The following IPCEF1 variants were observed in gnomAD, a reference collection of about 807,000 sequenced individuals.
IPCEF1 encodes the protein interaction protein for cytohesin exchange factors 1, also known as interactor protein for cytohesin exchange factors 1.
A neutral mutation model predicts 50.9 loss-of-function variants in IPCEF1; 31 were observed. The ratio of observed to expected loss-of-function variants is 0.61; its 90% CI spans 0.46 to 0.82. The LOEUF is 0.82. Ranked by LOEUF, IPCEF1 falls within the 40% of genes least tolerant of loss-of-function variation. IPCEF1 has a pLI of 0.00. For missense variants in IPCEF1, 458 were observed against 514.0 expected (o/e 0.89, Z 1.05); for synonymous variants, 181 against 192.0 (o/e 0.94, Z 0.47).
chr6:154,172,224 T>C (rs921616502), intron 10 of IPCEF1, among the ~76,000 whole-genome samples: 25 of 152,346 alleles, frequency 1.6e-4, no homozygotes, highest in Admixed American at 1.3e-3. Flanking sequence ...GTGAAATCAA[T>C]GCAGAAGACA....
At chr6:154,247,977 T>A (rs772787736) in intron 3 of IPCEF1, among the ~76,000 whole-genome samples, 11 of 152,190 alleles carry the variant, frequency 7.2e-5, no homozygotes, top group Non-Finnish European at 1.6e-4. Context: ...CCACGTAGGG[T>A]TAGACCTAAA....
chr6:154,259,522 T>C (rs6911989), intron 3 of IPCEF1, among the ~76,000 whole-genome samples: 147,035 of 152,118 alleles, frequency 0.97, 71,078 homozygotes, highest in East Asian at 1. Context: ...CGTGGTGGCA[T>C]GTGCCTGTAA....
chr6:154,310,763 A>G (rs574669956), intron 1 of IPCEF1, among the ~76,000 whole-genome samples: 11 of 152,282 alleles, frequency 7.2e-5, no homozygotes, highest in African/African-American at 2.2e-4. Context: ...AAATACAAAT[A>G]CTATATGATC....
At chr6:154,281,771 G>A (rs1398279126) in intron 2 of IPCEF1, among the ~76,000 whole-genome samples, 1 of 152,172 alleles carries the variant, frequency 6.6e-6, no homozygotes, top group Non-Finnish European at 1.5e-5. Context: ...GGGAGGCTGA[G>A]GTGGGTGGAT....
At chr6:154,200,873 A>G (rs953413906) in intron 9 of IPCEF1, among the ~76,000 whole-genome samples, 1 of 152,190 alleles carries the variant, frequency 6.6e-6, no homozygotes, top group African/African-American at 2.4e-5. Flanking sequence ...AACATCACCA[A>G]TGATATGGTT....
intron 1 of IPCEF1, among the ~76,000 whole-genome samples, chr6:154,295,890 T>C (rs1020276089): frequency 4.9e-5 from 5 of 101,260 alleles, no homozygotes; most frequent in Non-Finnish European, 7.5e-5. Flanking sequence ...CACACACACA[T>C]GCGTACACAC....
chr6:154,181,816 C>T (rs1001185785), intron 10 of IPCEF1, among the ~76,000 whole-genome samples: 3 of 152,166 alleles, frequency 2.0e-5, no homozygotes, highest in African/African-American at 7.2e-5. Flanking sequence ...TTCTTGGGGA[C>T]TTGAACTGGA....
intron 1 of IPCEF1, among the ~76,000 whole-genome samples, chr6:154,320,168 A>G (rs1562287758): frequency 6.6e-6 from 1 of 152,242 alleles, no homozygotes; most frequent in Non-Finnish European, 1.5e-5. Flanking sequence ...GAATGAAAAC[A>G]AAACCCCAAA....
chr6:154,355,161 C>T (rs1007470584), intron 1 of IPCEF1, among the ~76,000 whole-genome samples: 11 of 152,234 alleles, frequency 7.2e-5, no homozygotes, highest in African/African-American at 1.4e-4. Flanking sequence ...AAAGGATGCA[C>T]GAGTCAAAAG....
At chr6:154,192,306 G>T (rs1464948476) in intron 10 of IPCEF1, among the ~76,000 whole-genome samples, 1 of 131,876 alleles carries the variant, frequency 7.6e-6, no homozygotes, top group Non-Finnish European at 1.7e-5. Context: ...CCAAATGGTG[G>T]CCACGTGGTT....
chr6:154,272,125 A>G (rs1027550402), intron 2 of IPCEF1, among the ~76,000 whole-genome samples: 1 of 152,250 alleles, frequency 6.6e-6, no homozygotes, highest in African/African-American at 2.4e-5. Context: ...TCCTCTTTGA[A>G]TAATAATAAC....
In IPCEF1 at chr6:154,193,404, G is replaced by A. The variant is rs147096412; in HGVS notation, c.910+6264C>T. On this transcript the variant is annotated intron_variant, in intron 10 of 11. Coordinates refer to ENST00000367220, the MANE Select transcript of IPCEF1 (RefSeq NM_001130700.2). Reference sequence around the variant, plus strand: ...TGACAGATAAAAGACTACAAGTTGGGTACAGTATATGCTGCTGAGCAAAAT... The same window carrying A: ...TGACAGATAAAAGACTACAAGTTGGATACAGTATATGCTGCTGAGCAAAAT... Among the ~76,000 whole-genome samples the A allele has an allele frequency of 8.5e-3, 1,287 of 152,242 alleles. 10 individuals carry two copies. The highest frequency in any genetic ancestry group is 0.01 in the Non-Finnish European group (697 of 68,016).
rs896645052 is a variant in IPCEF1 at position 154,351,899 on chromosome 6, G to A, written c.-62+4773C>T. Among the ~76,000 whole-genome samples the A allele has an allele frequency of 3.3e-5, 5 of 152,304 alleles. No homozygotes were observed. In the South Asian group the frequency reaches 8.3e-4, roughly 25 times the overall value. ...ACGCAGGAACAAGAAACCAAATACC[G>A]CATGTTCTCACTTACAAGTGGGAGC... is the stretch of plus-strand genomic sequence containing the variant. On this transcript the variant is annotated intron_variant, in intron 1 of 11. Coordinates refer to ENST00000367220, the MANE Select transcript of IPCEF1 (RefSeq NM_001130700.2).
chr6:154,327,588 G>C (rs994459003), intron 1 of IPCEF1, among the ~76,000 whole-genome samples: 3 of 152,174 alleles, frequency 2.0e-5, no homozygotes, highest in Non-Finnish European at 2.9e-5. Context: ...TGGTGAAGTT[G>C]CTGAGAAAAA....
At chr6:154,268,804 T>A (rs1356730389) in intron 2 of IPCEF1, among the ~76,000 whole-genome samples, 1 of 152,002 alleles carries the variant, frequency 6.6e-6, no homozygotes, top group African/African-American at 2.4e-5. Context: ...TTCAGAGCCT[T>A]GGTGCATGCT....
At chr6:154,255,690 A>G (rs1269393287) in intron 3 of IPCEF1, among the ~76,000 whole-genome samples, 1 of 152,056 alleles carries the variant, frequency 6.6e-6, no homozygotes, top group Non-Finnish European at 1.5e-5. Context: ...TTTCTTTCAT[A>G]TCTTAGCTCT....
chr6:154,351,714 A>C (rs921081879), intron 1 of IPCEF1, among the ~76,000 whole-genome samples: 7 of 152,206 alleles, frequency 4.6e-5, no homozygotes, highest in Admixed American at 2.0e-4. Flanking sequence ...GGTTTGAGGC[A>C]GGGGACTTTA....
chr6:154,221,301 G>C lies in IPCEF1; in HGVS notation c.348C>G (p.Ile116Met), dbSNP rs755447857. The C allele has an allele frequency of 2.5e-6, 4 of 1,613,830 alleles. No homozygotes were observed. Among genetic ancestry groups the C allele is most frequent in the African/African-American group, 1.3e-5 (1 of 74,902 alleles). Reference protein sequence around the residue: ...KHAFKISHPQIKTFYFAAENV... With the variant: ...KHAFKISHPQMKTFYFAAENV... ...TCTCAGCTGCAAAATAAAAGGTCTTGATCTGTGGATGGCTGATCTTAAAAG... is the reference window on the plus strand; with the variant it reads ...TCTCAGCTGCAAAATAAAAGGTCTTCATCTGTGGATGGCTGATCTTAAAAG... Residue 116 changes from isoleucine to methionine, a missense_variant, in exon 7 of 12, where the codon ATC becomes ATG. Ile to Met is a conservative substitution (Grantham distance 10, BLOSUM62 1). Coordinates refer to ENST00000367220, the MANE Select transcript of IPCEF1 (RefSeq NM_001130700.2).
intron 2 of IPCEF1, among the ~76,000 whole-genome samples, chr6:154,266,948 C>T (rs1781772099): frequency 1.3e-5 from 2 of 152,164 alleles, no homozygotes; most frequent in South Asian, 4.1e-4. Context: ...AGTGACACCA[C>T]AAGTACACAT....
Sources: gnomAD v4.1 joint callset for allele counts (sites outside exome capture counted in the v4.1 genomes callset) on GRCh38, gnomAD v4.1.1 for gene constraint, MANE v1.5 for transcripts, NCBI Gene and HGNC (gene_info 2026-07-23, HGNC 2026-07-21) for gene names.